The following PXDNL variants were observed in gnomAD, a reference collection of about 807,000 sequenced individuals.
PXDNL encodes the protein peroxidasin like, also known as probable oxidoreductase PXDNL.
A neutral mutation model predicts 150.8 loss-of-function variants in PXDNL; 145 were observed. The observed-to-expected ratio is 0.96, with a 90% confidence interval of 0.84 to 1.10. The LOEUF (loss-of-function observed/expected upper bound fraction) is 1.10. Ranked by LOEUF, PXDNL falls within the 50% of genes least tolerant of loss-of-function variation. PXDNL has a pLI of 0.00. For synonymous variants in PXDNL, 757 were observed against 725.7 expected (o/e 1.04, Z -0.69); for missense variants, 2,087 against 1,873.9 (o/e 1.11, Z -2.10).
intron 4 of PXDNL, among the ~76,000 whole-genome samples, chr8:51,539,020 G>A (rs1011227104): frequency 2.0e-5 from 3 of 151,704 alleles, no homozygotes; most frequent in Middle Eastern, 3.4e-3. Flanking sequence ...AGTTGAAATC[G>A]TGTAAGCAGA....
intron 3 of PXDNL, among the ~76,000 whole-genome samples, chr8:51,572,877 T>A (rs1212428905): frequency 1.3e-5 from 2 of 151,834 alleles, no homozygotes; most frequent in Non-Finnish European, 2.9e-5. Context: ...CAACTAGAAA[T>A]CTTGGACATT....
intron 6 of PXDNL, among the ~76,000 whole-genome samples, chr8:51,475,924 A>G (rs925623481): frequency 6.6e-6 from 1 of 152,014 alleles, no homozygotes; most frequent in African/African-American, 2.4e-5. Context: ...ATTCTTTTTT[A>G]TGGCTGTGTC....
chr8:51,486,768 ATATATATATATATATATATATATATATT>A (rs1205219900), intron 5 of PXDNL, among the ~76,000 whole-genome samples: 9 of 8,218 alleles, frequency 1.1e-3, no homozygotes, highest in African/African-American at 2.6e-3. Context: ...ATATATATAT[ATATATATATATATATATATATATATATT>A]TTTTTTTTTT....
intron 1 of PXDNL, among the ~76,000 whole-genome samples, chr8:51,742,952 A>G (rs1211880408): frequency 6.6e-6 from 1 of 152,192 alleles, no homozygotes; most frequent in Non-Finnish European, 1.5e-5. Flanking sequence ...TTTAATCAAA[A>G]GTTTCCTAAA....
chr8:51,504,902 A>G (rs1811254068), intron 4 of PXDNL, among the ~76,000 whole-genome samples: 2 of 152,250 alleles, frequency 1.3e-5, no homozygotes, highest in Non-Finnish European at 2.9e-5. Context: ...CTGAGTTAAT[A>G]TCAGCTCAAC....
chr8:51,352,268 ATTTC>A (rs938418441), intron 19 of PXDNL, among the ~76,000 whole-genome samples: 11 of 152,338 alleles, frequency 7.2e-5, no homozygotes, highest in Non-Finnish European at 1.3e-4. Flanking sequence ...AGAAATCATT[ATTTC>A]AAAAAGGCAC....
intron 5 of PXDNL, among the ~76,000 whole-genome samples, chr8:51,489,185 G>A (rs968705549): frequency 6.6e-6 from 1 of 152,124 alleles, no homozygotes; most frequent in African/African-American, 2.4e-5. Flanking sequence ...AAAGAATAAA[G>A]GGAAACATAG....
At chr8:51,614,589 C>T (rs1228568425) in intron 2 of PXDNL, among the ~76,000 whole-genome samples, 3 of 152,172 alleles carry the variant, frequency 2.0e-5, no homozygotes, top group Non-Finnish European at 2.9e-5. Flanking sequence ...CTCAGTTAAA[C>T]TCTGTTAAAT....
chr8:51,584,608 C>A (rs770784815), intron 3 of PXDNL, among the ~76,000 whole-genome samples: 14 of 152,088 alleles, frequency 9.2e-5, no homozygotes, highest in Non-Finnish European at 1.5e-4. Flanking sequence ...CAGGAAGACA[C>A]AATATCCCAA....
intron 1 of PXDNL, among the ~76,000 whole-genome samples, chr8:51,702,920 G>A (rs949264993): frequency 2.0e-5 from 3 of 152,126 alleles, no homozygotes; most frequent in Non-Finnish European, 4.4e-5. Flanking sequence ...GCCACAAAGA[G>A]GGATTCTGGA....
At chr8:51,359,175 A>T (rs1431193379) in intron 19 of PXDNL, among the ~76,000 whole-genome samples, 1 of 152,190 alleles carries the variant, frequency 6.6e-6, no homozygotes, top group Non-Finnish European at 1.5e-5. Flanking sequence ...ACTGTCCATG[A>T]AAGGGTCCCG....
At position 51,499,688 on chromosome 8, in the gene PXDNL, T is replaced by C; in HGVS notation, c.452+11A>G. 3 of 1,597,792 alleles carry C rather than the reference T, an allele frequency of 1.9e-6. No homozygotes were observed. The highest frequency in any genetic ancestry group is 2.6e-6 in the Non-Finnish European group (3 of 1,165,518). ...GCAGAAGCAAAGGACATCTAAAGGG[T>C]CAACACTTACAGTCGCTCTAATCTC... On this transcript the variant is annotated intron_variant, in intron 5 of 22. Transcript: ENST00000356297.
At chr8:51,405,950 A>G (rs528150076) in intron 17 of PXDNL, among the ~76,000 whole-genome samples, 4 of 152,306 alleles carry the variant, frequency 2.6e-5, no homozygotes, top group Non-Finnish European at 5.9e-5. Flanking sequence ...AATATCCCAT[A>G]GGCATGAAAG....
At chr8:51,539,974 T>C (rs994761712) in intron 4 of PXDNL, among the ~76,000 whole-genome samples, 14 of 151,534 alleles carry the variant, frequency 9.2e-5, no homozygotes, top group Non-Finnish European at 1.5e-4. Flanking sequence ...ACTCTGTCAA[T>C]CAGGCTGGAG....
intron 13 of PXDNL, 102 bp downstream of exon 13, chr8:51,426,544 G>A (rs143413349): frequency 1.9e-5 from 12 of 623,474 alleles, no homozygotes; most frequent in African/African-American, 1.1e-4. Context: ...AGCAAAAGTC[G>A]CAACAGTAAA....
chr8:51,751,710 C>T (rs946738327), intron 1 of PXDNL, among the ~76,000 whole-genome samples: 2 of 152,200 alleles, frequency 1.3e-5, no homozygotes, highest in Non-Finnish European at 2.9e-5. Flanking sequence ...GGGTGGGAAA[C>T]AGATGTGTGC....
At chr8:51,711,869 T>G (rs1816508364) in intron 1 of PXDNL, among the ~76,000 whole-genome samples, 1 of 152,266 alleles carries the variant, frequency 6.6e-6, no homozygotes, top group Non-Finnish European at 1.5e-5. Context: ...TTATCCAGCA[T>G]TTATTGTTAC....
intron 2 of PXDNL, among the ~76,000 whole-genome samples, chr8:51,621,006 C>T (rs1814239386): frequency 6.6e-6 from 1 of 152,128 alleles, no homozygotes; most frequent in South Asian, 2.1e-4. Flanking sequence ...AGAGCTTAGT[C>T]ATGGATTGAT....
At chr8:51,331,967 T>C (rs899298489) in intron 21 of PXDNL, among the ~76,000 whole-genome samples, 10 of 151,572 alleles carry the variant, frequency 6.6e-5, no homozygotes, top group African/African-American at 2.2e-4. Context: ...TCCCTCTCTA[T>C]ACTACTACAG....
Sources: allele counts gnomAD v4.1 joint callset (sites outside exome capture counted in the v4.1 genomes callset), GRCh38; gene constraint gnomAD v4.1.1; transcripts MANE v1.5; gene names NCBI Gene and HGNC (gene_info 2026-07-23, HGNC 2026-07-21).